SUSD2: variants seen among roughly 807,000 people sequenced by gnomAD.
SUSD2 encodes the protein sushi domain-containing protein 2.
In SUSD2, 86 loss-of-function variants were observed where a neutral mutation model predicts 93.8. The ratio of observed to expected loss-of-function variants is 0.92; its 90% CI spans 0.77 to 1.10. The LOEUF is 1.10. Among genes scored for constraint, SUSD2 ranks in the 50% least tolerant of loss-of-function variants. SUSD2 has a pLI of 0.00. For synonymous variants in SUSD2, 483 were observed against 485.0 expected, an observed-to-expected ratio of 1.00 and a Z score of 0.05; for missense variants, 1,060 against 1,137.0, an observed-to-expected ratio of 0.93 and a Z score of 0.97.
chr22:24,187,370 C>A lies in SUSD2; in HGVS notation c.1811C>A (p.Thr604Asn). ...CTCGGGACACTCAACAACGACCCCA[C>A]CGACGACTTCACCCTGCACAGCGGG... is the stretch of plus-strand genomic sequence containing the variant. ...GLLGTLNNDP[T>N]DDFTLHSGRV... is the part of the protein sequence containing the mutation. The change falls in exon 11 of 15, where the codon ACC (threonine) becomes AAC (asparagine). Residue 604 changes from threonine to asparagine, a missense_variant. Thr to Asn is a moderately conservative substitution (Grantham distance 65). Transcript: ENST00000358321. 6.2e-7 allele frequency: 1 copy of A among 1,614,076 alleles called. No homozygotes were observed. Among genetic ancestry groups the A allele is most frequent in the Non-Finnish European group, 8.5e-7 (1 of 1,180,028 alleles).
rs1464921384 is a variant in SUSD2, at chr22:24,188,299, G to A, written c.2416G>A (p.Val806Met). 1 of 1,606,422 alleles carries A rather than the reference G, an allele frequency of 6.2e-7. No individual in the cohort carries two copies. Among genetic ancestry groups the A allele is most frequent in the Non-Finnish European group, 8.5e-7 (1 of 1,177,004 alleles). The change falls in exon 14 of 15, where the codon GTG becomes ATG. Residue 806 changes from valine (V) to methionine (M), a missense_variant. By Grantham distance (21) the Val-to-Met change is conservative (BLOSUM62 1). Around this residue, in one of 2 missense-constraint regions of SUSD2, gnomAD observed 973 missense variants for 1,005.3 expected, o/e 0.97. Coordinates refer to ENST00000358321, the MANE Select transcript of SUSD2 (RefSeq NM_019601.4). The surrounding 1 kb of genome is among the most constrained non-coding windows in gnomAD (Gnocchi z 4.7). ...AVVAAVALVY[V>M]LLRRRKGNTH... ...GGTGGCGGCGGTTGCGCTCGTCTAT[G>A]TGCTGCTGCGCCGCAGGAAGGGCAA...
intron 10 of SUSD2, chr22:24,186,706 C>T (rs1203217884): frequency 2.1e-6 from 1 of 481,056 alleles, no homozygotes; most frequent in African/African-American, 1.9e-5. Flanking sequence ...AGAGCCACTC[C>T]TGTGCTCCTG....
At chr22:24,187,520 G>A in intron 11 of SUSD2, 51 bp from the exon 12 acceptor site, 2 of 1,603,016 alleles carry the variant, frequency 1.2e-6, no homozygotes, top group African/African-American at 2.7e-5. Flanking sequence ...GGCAGGGCTT[G>A]GGGACCAAAG....
intron 6 of SUSD2, 91 bp from the exon 7 acceptor site, chr22:24,185,395 G>T (rs552347117): frequency 6.5e-7 from 1 of 1,537,928 alleles, no homozygotes; most frequent in Non-Finnish European, 8.8e-7. Flanking sequence ...GGAGGGTGGG[G>T]CTGGGGTCTC....
At position 24,188,331 on chromosome 22, in the gene SUSD2, A is replaced by C; in HGVS notation, c.2444+4A>C. 6.2e-7 allele frequency: 1 copy of C among 1,607,094 alleles called. No homozygotes were observed. The highest frequency in any genetic ancestry group is 8.5e-7 in the Non-Finnish European group (1 of 1,177,448). The stretch of plus-strand genomic sequence containing the variant: ...TGCGCCGCAGGAAGGGCAACACGTG[A>C]GACCCCCCAGCCCCTCTCCCAAGAC... On this transcript the variant is annotated splice_donor_region_variant and intron_variant, in intron 14 of 14. Transcript: ENST00000358321. The surrounding 1 kb of genome is among the most constrained non-coding windows in gnomAD (Gnocchi z 4.7).
chr22:24,187,734 C>T lies in SUSD2; in HGVS notation c.2055C>T (p.Asp685=), dbSNP rs375874493. The T allele has an allele frequency of 2.2e-5, 36 of 1,614,050 alleles. No homozygotes were observed. The highest frequency in any genetic ancestry group is 2.7e-5 in the Non-Finnish European group (32 of 1,180,040). Residue 685 remains aspartate (D), a synonymous_variant, in exon 12 of 15, where the codon GAC becomes GAT. Transcript: ENST00000358321. ...AAGAGGCAGCCAAACTATGTGGGGA[C>T]GATCATTTCTGCAACTTTGATGTGG... The part of the protein sequence containing the change: ...LAQEAAKLCG[D]DHFCNFDVAA...
At chr22:24,187,475 G>A in intron 11 of SUSD2, 25 bp downstream of exon 11, 2 of 1,609,646 alleles carry the variant, frequency 1.2e-6, no homozygotes, top group Non-Finnish European at 1.7e-6. Context: ...AGTATATGGG[G>A]CAGACGGGGT....
chr22:24,182,172 T>G (rs1353435943), intron 1 of SUSD2, among the ~76,000 whole-genome samples: 1 of 152,240 alleles, frequency 6.6e-6, no homozygotes, highest in Non-Finnish European at 1.5e-5. Flanking sequence ...GGCCCAGGCC[T>G]GGCCCTCGAC....
chr22:24,186,577 C>A, intron 10 of SUSD2, 162 bp downstream of exon 10: 1 of 800,110 alleles, frequency 1.2e-6, no homozygotes, highest in Non-Finnish European at 1.9e-6. Context: ...GTGCCCCCGT[C>A]GTACCCACCT....
chr22:24,188,478 G>A lies in SUSD2; in HGVS notation c.*42G>A, dbSNP rs375629004. On this transcript the variant is annotated 3_prime_UTR_variant, in exon 15 of 15. Transcript: ENST00000358321. This position sits in a 1 kb window ranked among gnomAD's most constrained non-coding sequence, Gnocchi z 4.7. ...GTGAGCACCAGGCCAAGACTCCTGA[G>A]AACAGGCAGCCCAGTCCTGCGACTC... 3 of 1,597,914 alleles carry A rather than the reference G, an allele frequency of 1.9e-6. No homozygotes were observed. The highest frequency in any genetic ancestry group is 1.7e-5 in the Admixed American group (1 of 59,822).
intron 4 of SUSD2, 52 bp downstream of exon 4, chr22:24,184,355 G>A (rs753251822): frequency 6.3e-7 from 1 of 1,577,862 alleles, no homozygotes; most frequent in East Asian, 2.3e-5. Context: ...CCCCCAGAGG[G>A]GGAGAAAGGG....
At position 24,183,547 on chromosome 22, in the gene SUSD2, C is replaced by A; in HGVS notation, c.340C>A (p.His114Asn). The A allele has an allele frequency of 6.2e-7, 1 of 1,613,448 alleles. No homozygotes were observed. Residue 114 changes from histidine (H) to asparagine (N), a missense_variant, in exon 3 of 15, where the codon CAC becomes AAC. This residue lies in a region of SUSD2 where 973 missense variants were observed against 1,005.3 expected (regional missense o/e 0.97). Transcript: ENST00000358321. ...CCATGTGGACTCCTCCGGGCAAGTGCACTGTGTGTCACCTCTGCTCTATGA... is the reference window on the plus strand; with the variant it reads ...CCATGTGGACTCCTCCGGGCAAGTGAACTGTGTGTCACCTCTGCTCTATGA... ...LGHVDSSGQV[H>N]CVSPLLYESG... is the part of the protein sequence containing the mutation.
chr22:24,187,850 G>T lies in SUSD2; in HGVS notation c.2164+7G>T, dbSNP rs370056198. The T allele has an allele frequency of 6.2e-7, 1 of 1,608,272 alleles. No homozygotes were observed. The highest frequency in any genetic ancestry group is 1.3e-5 in the African/African-American group (1 of 74,842). The stretch of plus-strand genomic sequence containing the variant: ...ATGCAGAGCCTGCAGCCAGGTGAGG[G>T]CGGGCAGGTGGGGGTGGGCGGGGAG... On this transcript the variant is annotated splice_region_variant and intron_variant, in intron 12 of 14. Coordinates refer to ENST00000358321, the MANE Select transcript of SUSD2 (RefSeq NM_019601.4).
chr22:24,185,989 C>G (rs1013865746), intron 8 of SUSD2, 27 bp from the exon 9 acceptor site: 1 of 1,588,884 alleles, frequency 6.3e-7, no homozygotes, highest in East Asian at 2.3e-5. Flanking sequence ...GGGTGCACCC[C>G]CACGTGACCC....
chr22:24,181,962 C>A (rs1206351781), intron 1 of SUSD2, among the ~76,000 whole-genome samples: 1 of 152,230 alleles, frequency 6.6e-6, no homozygotes, highest in African/African-American at 2.4e-5. Flanking sequence ...ACTCCAGAAC[C>A]AGGACACTGG....
Position 24,185,047 on chromosome 22 carries a change from A to G in SUSD2, c.783-47A>G, listed in dbSNP as rs574716999. 12 of 1,611,014 alleles carry G rather than the reference A, an allele frequency of 7.4e-6. No homozygotes were observed. In the East Asian group the frequency reaches 1.1e-4, roughly 15 times the overall value. On this transcript the variant is annotated intron_variant, in intron 5 of 14. Transcript: ENST00000358321. ...TGGGGGTGGGGAGAGTGGGGCGACC[A>G]TGGGGTGGTGTGGGCTGGCCCAGCT...
chr22:24,183,476 A>C lies in SUSD2; in HGVS notation c.288-19A>C. The C allele has an allele frequency of 6.3e-7, 1 of 1,596,970 alleles. No homozygotes were observed. The highest frequency in any genetic ancestry group is 8.5e-7 in the Non-Finnish European group (1 of 1,171,656). On this transcript the variant is annotated intron_variant, in intron 2 of 14. Transcript: ENST00000358321. ...AGCCTGCAATGACCCAGCCCCTCCC[A>C]CCACCACCACGCCCACAGGTTTAAG...
chr22:24,183,253 C>T lies in SUSD2; in HGVS notation c.273C>T (p.Ala91=). ...TCAAGATGTCCAGCCCCACAGACGC[C>T]AGTGTGATCTGCAGGTTGGGAGGCC... is the stretch of plus-strand genomic sequence containing the variant. ...RHFKMSSPTD[A]SVICRFKDSI... Residue 91 remains alanine, a synonymous_variant, in exon 2 of 15, where the codon GCC becomes GCT. Coordinates refer to ENST00000358321, the MANE Select transcript of SUSD2 (RefSeq NM_019601.4). 6.2e-7 allele frequency: 1 copy of T among 1,612,432 alleles called. No homozygotes were observed. Among genetic ancestry groups the T allele is most frequent in the South Asian group, 1.1e-5 (1 of 91,024 alleles).
At chr22:24,185,073 C>G (rs772899859) in intron 5 of SUSD2, 21 bp from the exon 6 acceptor site, 1 of 1,612,658 alleles carries the variant, frequency 6.2e-7, no homozygotes, top group Admixed American at 1.7e-5. Context: ...TGGCCCAGCT[C>G]CAGCATCATC....
Sources: gnomAD v4.1 joint callset for allele counts (sites outside exome capture counted in the v4.1 genomes callset) on GRCh38, gnomAD v4.1.1 for gene constraint, gnomAD v4.1.1 regional missense constraint, Gnocchi (gnomAD v3.1) non-coding constraint, MANE v1.5 for transcripts, NCBI Gene and HGNC (gene_info 2026-07-23, HGNC 2026-07-21) for gene names.